Variants in CASZ1 observed in about 807,000 individuals in gnomAD.
CASZ1 encodes the protein castor zinc finger 1, also known as zinc finger protein castor homolog 1.
In CASZ1, 28 loss-of-function variants were observed where a neutral mutation model predicts 135.2. That is an observed-to-expected ratio of 0.21 (90% confidence interval 0.15 to 0.28). The LOEUF (loss-of-function observed/expected upper bound fraction) is 0.28. CASZ1 is among the 10% of genes least tolerant of loss of function. The pLI is 1.00. For synonymous variants in CASZ1, 1,068 were observed against 1,073.4 expected (o/e 0.99, Z 0.10); for missense variants, 2,161 against 2,453.3 (o/e 0.88, Z 2.52).
chr1:10,654,685 C>T, intron 9 of CASZ1, 94 bp from the exon 10 acceptor site: 1 of 1,246,312 alleles, frequency 8.0e-7, no homozygotes, highest in Non-Finnish European at 1.1e-6. Flanking sequence ...CACTGACTTC[C>T]CTGCTCAGGG....
intron 2 of CASZ1, among the ~76,000 whole-genome samples, chr1:10,715,831 A>G (rs1639375706): frequency 1.1e-5 from 1 of 88,920 alleles, no homozygotes; most frequent in Non-Finnish European, 2.1e-5. Flanking sequence ...ATCCGCACCT[A>G]CAGCACCCAA....
rs186204058 is a variant in CASZ1 at position 10,748,429 on chromosome 1, C to T, written c.-77+12272G>A. 2.8e-3 allele frequency among the ~76,000 whole-genome samples: 424 copies of T among 152,360 alleles called. 2 individuals carry two copies. Among genetic ancestry groups the T allele is most frequent in the Middle Eastern group, 0.01 (3 of 294 alleles). ...CAGTGACCCCTCACTCAGTACCTACCAGGTCCCAGGTCCGGTCACAGGCAT... is the reference window on the plus strand; with the variant it reads ...CAGTGACCCCTCACTCAGTACCTACTAGGTCCCAGGTCCGGTCACAGGCAT... On this transcript the variant is annotated intron_variant, in intron 2 of 20. Coordinates refer to ENST00000377022, the MANE Select transcript of CASZ1 (RefSeq NM_001079843.3).
chr1:10,672,007 G>A (rs991331580), intron 4 of CASZ1, among the ~76,000 whole-genome samples: 4 of 152,136 alleles, frequency 2.6e-5, no homozygotes, highest in Admixed American at 6.5e-5. Flanking sequence ...TGGGAGAGGC[G>A]GCTCCTGGCA....
rs1213796870 is a variant in CASZ1 at position 10,643,246 on chromosome 1, G to A, written c.3934C>T (p.Leu1312Phe). 1 of 1,613,208 alleles carries A rather than the reference G, an allele frequency of 6.2e-7. No individual in the cohort carries two copies. The highest frequency in any genetic ancestry group is 1.7e-5 in the Admixed American group (1 of 60,022). The change falls in exon 19 of 21, where the codon CTC (leucine) becomes TTC (phenylalanine). Residue 1312 changes from leucine (L) to phenylalanine (F), a missense_variant. Leu to Phe is a conservative substitution (Grantham distance 22). Transcript: ENST00000377022. ...CIREGCQFSF[L>F]LKHQMTSHAR... is the part of the protein sequence containing the mutation. Reference sequence around the variant, plus strand: ...TGGGAGGTCATCTGGTGCTTGAGGAGGAAGGAGAACTGGCAGCCCTCCCGG... The same window carrying A: ...TGGGAGGTCATCTGGTGCTTGAGGAAGAAGGAGAACTGGCAGCCCTCCCGG...
At chr1:10,673,699 TG>T (rs1405281125) in intron 4 of CASZ1, among the ~76,000 whole-genome samples, 1 of 152,176 alleles carries the variant, frequency 6.6e-6, no homozygotes, top group African/African-American at 2.4e-5. Context: ...TGCCACCATC[TG>T]GGGGGCTCTC....
intron 5 of CASZ1, 25 bp downstream of exon 5, chr1:10,665,058 C>T (rs1184176780): frequency 1.3e-6 from 2 of 1,496,906 alleles, no homozygotes; most frequent in East Asian, 2.4e-5. Context: ...GGCCTTCAGC[C>T]TCCCTTCGAA....
intron 17 of CASZ1, among the ~76,000 whole-genome samples, chr1:10,645,851 T>C (rs1244514432): frequency 6.6e-6 from 1 of 152,100 alleles, no homozygotes; most frequent in African/African-American, 2.4e-5. Context: ...AGTTCCAGGA[T>C]AGGCAAGAAT....
intron 4 of CASZ1, among the ~76,000 whole-genome samples, chr1:10,686,079 C>T (rs1032476077): frequency 5.3e-5 from 8 of 152,146 alleles, no homozygotes; most frequent in African/African-American, 1.7e-4. Flanking sequence ...AACCTGACCC[C>T]GTGGCCCCCA....
At chr1:10,713,641 G>A (rs12074665) in intron 2 of CASZ1, among the ~76,000 whole-genome samples, 7 of 152,182 alleles carry the variant, frequency 4.6e-5, no homozygotes, top group Non-Finnish European at 7.3e-5. Context: ...AGCTCTCTTC[G>A]TTTGGGTGAG....
chr1:10,682,011 T>C (rs924862205), intron 4 of CASZ1, among the ~76,000 whole-genome samples: 2 of 152,158 alleles, frequency 1.3e-5, no homozygotes, highest in Admixed American at 1.3e-4. Flanking sequence ...CCTGCAACTG[T>C]TTGCAGTGAA....
At position 10,739,185 on chromosome 1, in the gene CASZ1, C is replaced by T. The variant is rs946821851; in HGVS notation, c.-77+21516G>A. ...AGGGTGGCTGCTCTTTTCAGGCCGG[C>T]GGCCAGTCCCCGGGCGTACAGCGTG... On this transcript the variant is annotated intron_variant, in intron 2 of 20. Coordinates refer to ENST00000377022, the MANE Select transcript of CASZ1 (RefSeq NM_001079843.3). The surrounding 1 kb of genome is among the most constrained non-coding windows in gnomAD (Gnocchi z 4.8). Among the ~76,000 whole-genome samples the T allele has an allele frequency of 2.6e-5, 4 of 152,094 alleles. No homozygotes were observed. Among genetic ancestry groups the T allele is most frequent in the Admixed American group, 6.5e-5 (1 of 15,284 alleles).
rs1638952646 is a variant in CASZ1, at chr1:10,697,207, G to A, written c.-23-3295C>T. Among the ~76,000 whole-genome samples the A allele has an allele frequency of 6.6e-6, 1 of 152,158 alleles. No homozygotes were observed. Among genetic ancestry groups the A allele is most frequent in the Non-Finnish European group, 1.5e-5 (1 of 68,020 alleles). ...CTTCGAGGTTGTGGGGTATGAGTCA[G>A]AGGCTGTGTCATGGAGGGGCCCCCA... On this transcript the variant is annotated intron_variant, in intron 3 of 20. Transcript: ENST00000377022. This position sits in a 1 kb window ranked among gnomAD's most constrained non-coding sequence, Gnocchi z 4.7.
rs1642568234 is a variant in CASZ1, at chr1:10,651,162, G to A, written c.2681-86C>T. The stretch of plus-strand genomic sequence containing the variant: ...AGCCGCCGTGCCCCCTGGAGGGAGG[G>A]CAGTGGGCTGGGTGGGCCCCGGCTA... On this transcript the variant is annotated intron_variant, in intron 11 of 20. Coordinates refer to ENST00000377022, the MANE Select transcript of CASZ1 (RefSeq NM_001079843.3). The A allele has an allele frequency of 1.9e-5, 23 of 1,183,712 alleles. No individual in the cohort carries two copies. In the Admixed American group the frequency reaches 2.2e-4, roughly 11 times the overall value. 73.3% of individuals were successfully genotyped at this position (1,183,712 alleles called of 1,614,324 possible).
At chr1:10,732,550 C>G (rs1344606849) in intron 2 of CASZ1, among the ~76,000 whole-genome samples, 1 of 152,134 alleles carries the variant, frequency 6.6e-6, no homozygotes, top group African/African-American at 2.4e-5. Flanking sequence ...TGTGGGCCTG[C>G]TTCACTGATG....
chr1:10,740,386 A>G (rs192071466), intron 2 of CASZ1, among the ~76,000 whole-genome samples: 1 of 152,340 alleles, frequency 6.6e-6, no homozygotes. Context: ...CCACATCTGT[A>G]TAATGGGAGA....
At chr1:10,650,330 T>G (rs1221540771) in intron 13 of CASZ1, 1 of 153,460 alleles carries the variant, frequency 6.5e-6, no homozygotes, top group African/African-American at 2.4e-5. Flanking sequence ...GCTCCCACTT[T>G]AGTCCCCCCT....
At position 10,666,669 on chromosome 1, in the gene CASZ1, C is replaced by T. The variant is rs1029250967; in HGVS notation, c.17-1098G>A. 4.6e-5 allele frequency among the ~76,000 whole-genome samples: 7 copies of T among 152,202 alleles called. No homozygotes were observed. The highest frequency in any genetic ancestry group is 7.3e-5 in the Non-Finnish European group (5 of 68,036). ...CGACTTGAGAGCCAGCGACCTCCCTCGCGGCCGCATAGCCCAAACTCTGTC... is the reference window on the plus strand; with the variant it reads ...CGACTTGAGAGCCAGCGACCTCCCTTGCGGCCGCATAGCCCAAACTCTGTC... On this transcript the variant is annotated intron_variant, in intron 4 of 20. Coordinates refer to ENST00000377022, the MANE Select transcript of CASZ1 (RefSeq NM_001079843.3). This position sits in a 1 kb window ranked among gnomAD's most constrained non-coding sequence, Gnocchi z 5.2.
In CASZ1 at chr1:10,699,525, C is replaced by T. The variant is rs1160215422; in HGVS notation, c.-23-5613G>A. Among the ~76,000 whole-genome samples, 3 of 152,280 alleles carry T rather than the reference C, an allele frequency of 2.0e-5. No individual in the cohort carries two copies. Among genetic ancestry groups the T allele is most frequent in the South Asian group, 2.1e-4 (1 of 4,822 alleles). On this transcript the variant is annotated intron_variant, in intron 3 of 20. Transcript: ENST00000377022. This position sits in a 1 kb window ranked among gnomAD's most constrained non-coding sequence, Gnocchi z 4.6. The stretch of plus-strand genomic sequence containing the variant: ...GCAGCCCTGGCAGATCCAGGACAGT[C>T]GGCAGAAGTCTTGCTGGCAGCCCAG...
chr1:10,717,571 C>G lies in CASZ1; in HGVS notation c.-76-12027G>C, dbSNP rs769724204. On this transcript the variant is annotated intron_variant, in intron 2 of 20. Transcript: ENST00000377022. This position sits in a 1 kb window ranked among gnomAD's most constrained non-coding sequence, Gnocchi z 4.6. ...CCTCCCTCCTCACCAGCCCCTGCCC[C>G]CTCCAACCAGTTCAGATTTCCAGCT... Among the ~76,000 whole-genome samples, 11 of 152,274 alleles carry G rather than the reference C, an allele frequency of 7.2e-5. No individual in the cohort carries two copies. The highest frequency in any genetic ancestry group is 3.4e-3 in the Middle Eastern group (1 of 294).
Sources: allele counts gnomAD v4.1 joint callset (sites outside exome capture counted in the v4.1 genomes callset), GRCh38; gene constraint gnomAD v4.1.1; non-coding constraint Gnocchi (gnomAD v3.1); transcripts MANE v1.5; gene names NCBI Gene and HGNC (gene_info 2026-07-23, HGNC 2026-07-21).